The following LVRN variants were observed in gnomAD, a reference collection of about 807,000 sequenced individuals.
The protein encoded by LVRN is laeverin.
LVRN carries 99 observed loss-of-function variants against 111.4 expected under a neutral mutation model. The ratio of observed to expected loss-of-function variants is 0.89; its 90% CI spans 0.76 to 1.05. The LOEUF (loss-of-function observed/expected upper bound fraction) is 1.05, where lower values mean the gene tolerates loss of function less well. LVRN is among the 50% of genes least tolerant of loss of function. The pLI is 0.00. For missense variants in LVRN, 1,414 were observed against 1,206.8 expected, an observed-to-expected ratio of 1.17 and a Z score of -2.54; for synonymous variants, 488 against 449.5, an observed-to-expected ratio of 1.09 and a Z score of -1.08.
At chr5:116,014,715 C>G (rs150949850) in intron 16 of LVRN, among the ~76,000 whole-genome samples, 188 bp downstream of exon 16, 372 of 152,274 alleles carry the variant, frequency 2.4e-3, no homozygotes, top group Middle Eastern at 6.8e-3. Flanking sequence ...TAACGATAGA[C>G]TAGAATTTAT....
At chr5:115,982,281 G>A (rs965622342) in intron 1 of LVRN, among the ~76,000 whole-genome samples, 1 of 152,114 alleles carries the variant, frequency 6.6e-6, no homozygotes, top group African/African-American at 2.4e-5. Context: ...GCCTTATGAT[G>A]GTGAAGGAGG....
At chr5:116,011,832 T>C (rs1748495936) in intron 14 of LVRN, among the ~76,000 whole-genome samples, 1 of 152,174 alleles carries the variant, frequency 6.6e-6, no homozygotes, top group Non-Finnish European at 1.5e-5. Flanking sequence ...AGTTAATTCT[T>C]AGGGATGTAT....
Position 115,984,740 on chromosome 5 carries a change from G to A in LVRN, c.978+31G>A, listed in dbSNP as rs771038539. 3 of 1,611,462 alleles carry A rather than the reference G, an allele frequency of 1.9e-6. No homozygotes were observed. The East Asian group carries it at 6.7e-5, about 36-fold the overall frequency. On this transcript the variant is annotated intron_variant, in intron 3 of 19. Coordinates refer to ENST00000357872, the MANE Select transcript of LVRN (RefSeq NM_173800.5). ...TGAGGAAGATTCTGTAGGTAAGGGA[G>A]ATTGTACTGGCTGCAGATTATTCAT...
chr5:115,972,715 A>G (rs115259506), intron 1 of LVRN, among the ~76,000 whole-genome samples: 108 of 152,110 alleles, frequency 7.1e-4, no homozygotes, highest in African/African-American at 2.4e-3. Flanking sequence ...ATTATTAATT[A>G]TGATTTTTCC....
intron 19 of LVRN, among the ~76,000 whole-genome samples, chr5:116,024,261 C>T (rs1329734532): frequency 1.3e-5 from 2 of 152,028 alleles, no homozygotes; most frequent in African/African-American, 4.8e-5. Context: ...TAAAATTAAA[C>T]ACCAGGGCCT....
At chr5:115,976,843 G>C (rs1158805612) in intron 1 of LVRN, among the ~76,000 whole-genome samples, 1 of 152,132 alleles carries the variant, frequency 6.6e-6, no homozygotes, top group African/African-American at 2.4e-5. Context: ...GATAGTAACT[G>C]AAGTTACTTG....
At chr5:115,992,008 TATAA>T in intron 4 of LVRN, 111 bp from the exon 5 acceptor site, 6 of 992,296 alleles carry the variant, frequency 6.0e-6, no homozygotes, top group Admixed American at 2.8e-5. Context: ...CCGTTCAGGT[TATAA>T]ATATTCCCTT....
In LVRN at chr5:116,010,767, CA is replaced by C; in HGVS notation, c.2121del (p.Glu709SerfsTer2). On this transcript the variant is annotated frameshift_variant, in exon 14 of 20. Transcript: ENST00000357872. LOFTEE classifies it high-confidence loss of function. ...AACAATTATATTGAGATTGAAACAG[CA>C]CTTGAGTTAACCAAGTACCTTGCTG... ...SKNNYIEIET[A>X]LELTKYLAEE... is the part of the protein sequence containing the mutation. 1.2e-6 allele frequency: 2 copies of C among 1,603,892 alleles called. No individual in the cohort carries two copies. The highest frequency in any genetic ancestry group is 1.7e-6 in the Non-Finnish European group (2 of 1,176,420).
intron 13 of LVRN, among the ~76,000 whole-genome samples, chr5:116,006,245 ATTTAT>A (rs1272511831): frequency 6.6e-6 from 1 of 152,174 alleles, no homozygotes; most frequent in African/African-American, 2.4e-5. Context: ...TTGCAGAATT[ATTTAT>A]TTTATTTATA....
chr5:115,972,601 C>G (rs540516876), intron 1 of LVRN, among the ~76,000 whole-genome samples: 1 of 151,986 alleles, frequency 6.6e-6, no homozygotes, highest in African/African-American at 2.4e-5. Context: ...TGCCTTATTT[C>G]AATGACTAGA....
intron 18 of LVRN, among the ~76,000 whole-genome samples, chr5:116,016,954 A>G (rs1309480491): frequency 6.6e-6 from 1 of 152,230 alleles, no homozygotes; most frequent in African/African-American, 2.4e-5. Flanking sequence ...TCTTTCTAGT[A>G]ATAAAAAGTT....
chr5:116,022,325 A>G (rs977214474), intron 18 of LVRN, 66 bp from the exon 19 acceptor site: 10 of 1,097,040 alleles, frequency 9.1e-6, no homozygotes, highest in African/African-American at 6.3e-5. Flanking sequence ...TTCATCTGCT[A>G]TATAAAATAT....
chr5:115,985,462 A>T (rs1280573235), intron 3 of LVRN, among the ~76,000 whole-genome samples: 1 of 152,184 alleles, frequency 6.6e-6, no homozygotes, highest in Non-Finnish European at 1.5e-5. Flanking sequence ...GCCACATCAC[A>T]GCCTATGATT....
At chr5:116,018,180 A>G (rs763417513) in intron 18 of LVRN, among the ~76,000 whole-genome samples, 1 of 152,210 alleles carries the variant, frequency 6.6e-6, no homozygotes, top group Non-Finnish European at 1.5e-5. Flanking sequence ...ATTGCCAATT[A>G]ATAACCAAGA....
At chr5:115,992,015 A>G in intron 4 of LVRN, 108 bp from the exon 5 acceptor site, 2 of 1,057,984 alleles carry the variant, frequency 1.9e-6, no homozygotes, top group Non-Finnish European at 2.7e-6. Flanking sequence ...GGTTATAAAT[A>G]TTCCCTTGAA....
intron 18 of LVRN, among the ~76,000 whole-genome samples, chr5:116,019,001 A>G (rs1451115287): frequency 6.6e-6 from 1 of 152,130 alleles, no homozygotes; most frequent in Admixed American, 6.5e-5. Context: ...TTGATTAACA[A>G]CAGGAATACA....
At chr5:116,016,952 G>C (rs1057049854) in intron 18 of LVRN, among the ~76,000 whole-genome samples, 1 of 152,164 alleles carries the variant, frequency 6.6e-6, no homozygotes, top group Non-Finnish European at 1.5e-5. Flanking sequence ...ATTCTTTCTA[G>C]TAATAAAAAG....
chr5:115,990,962 C>G (rs1357715557), intron 4 of LVRN, among the ~76,000 whole-genome samples: 1 of 152,122 alleles, frequency 6.6e-6, no homozygotes, highest in Non-Finnish European at 1.5e-5. Flanking sequence ...CATATATTCT[C>G]TCTTTCCTTT....
intron 4 of LVRN, 56 bp from the exon 5 acceptor site, chr5:115,992,067 A>T: frequency 6.6e-7 from 1 of 1,511,856 alleles, no homozygotes; most frequent in South Asian, 1.3e-5. Flanking sequence ...ATATTTAAAA[A>T]ATCCCATTTT....
Sources: gnomAD v4.1 joint callset for allele counts (sites outside exome capture counted in the v4.1 genomes callset) on GRCh38, gnomAD v4.1.1 for gene constraint, MANE v1.5 for transcripts, NCBI Gene and HGNC (gene_info 2026-07-23, HGNC 2026-07-21) for gene names.